MARK4: variants seen among roughly 807,000 people sequenced by gnomAD.
The protein encoded by MARK4 is MAP/microtubule affinity-regulating kinase 4.
A neutral mutation model predicts 81.5 loss-of-function variants in MARK4; 19 were observed. The ratio of observed to expected loss-of-function variants is 0.23; its 90% CI spans 0.16 to 0.34. The LOEUF is 0.34. MARK4 is among the 10% of genes least tolerant of loss of function. MARK4 has a pLI of 1.00. For synonymous variants in MARK4, 436 were observed against 439.0 expected, an observed-to-expected ratio of 0.99 and a Z score of 0.08; for missense variants, 772 against 1,058.8, an observed-to-expected ratio of 0.73 and a Z score of 3.76.
At chr19:45,298,127 C>T in intron 15 of MARK4, 173 bp downstream of exon 15, 1 of 1,613,706 alleles carries the variant, frequency 6.2e-7, no homozygotes, top group Non-Finnish European at 8.5e-7. Context: ...CCCTCACCTC[C>T]CTCCTCACAC....
intron 1 of MARK4, among the ~76,000 whole-genome samples, chr19:45,258,273 C>A (rs950028092): frequency 6.6e-6 from 1 of 152,218 alleles, no homozygotes; most frequent in African/African-American, 2.4e-5. Context: ...GCCTGAGCCA[C>A]TGCACCTGGC....
At position 45,278,505 on chromosome 19, in the gene MARK4, G is replaced by A; in HGVS notation, c.907-11G>A. 6.2e-7 allele frequency: 1 copy of A among 1,613,008 alleles called. No homozygotes were observed. The highest frequency in any genetic ancestry group is 8.5e-7 in the Non-Finnish European group (1 of 1,179,044). On this transcript the variant is annotated splice_polypyrimidine_tract_variant and intron_variant, in intron 9 of 16. Coordinates refer to ENST00000262891, the MANE Select transcript of MARK4 (RefSeq NM_001199867.2). ...CCTGTCTTCCCCCTTCCCTGCTCCTGATGCCTGCAGCAAATCATGAAAGAC... is the reference window on the plus strand; with the variant it reads ...CCTGTCTTCCCCCTTCCCTGCTCCTAATGCCTGCAGCAAATCATGAAAGAC...
intron 13 of MARK4, among the ~76,000 whole-genome samples, chr19:45,290,753 C>T (rs1403569382): frequency 6.6e-6 from 1 of 152,216 alleles, no homozygotes; most frequent in African/African-American, 2.4e-5. Context: ...CTGGCAATGA[C>T]CGGCTGTGTT....
intron 2 of MARK4, among the ~76,000 whole-genome samples, chr19:45,259,652 G>A (rs1375399440): frequency 6.6e-6 from 1 of 152,158 alleles, no homozygotes; most frequent in Non-Finnish European, 1.5e-5. Context: ...GTGTGTGCCT[G>A]TGGTCCCAGC....
intron 12 of MARK4, among the ~76,000 whole-genome samples, chr19:45,284,542 T>C (rs948363840): frequency 6.6e-6 from 1 of 151,942 alleles, no homozygotes; most frequent in Non-Finnish European, 1.5e-5. Flanking sequence ...CAGGATGGTC[T>C]TGATCGCCTG....
chr19:45,279,393 C>T (rs1423687622), intron 10 of MARK4, among the ~76,000 whole-genome samples: 1 of 152,070 alleles, frequency 6.6e-6, no homozygotes, highest in Non-Finnish European at 1.5e-5. Context: ...GGCAGGCACC[C>T]GTAATCCCAG....
At chr19:45,275,991 A>T (rs1489379488) in intron 8 of MARK4, among the ~76,000 whole-genome samples, 2 of 152,068 alleles carry the variant, frequency 1.3e-5, no homozygotes, top group African/African-American at 4.8e-5. Context: ...CCAACGCTCA[A>T]TTCATTCCTA....
chr19:45,298,144 G>C (rs769949564), intron 15 of MARK4, 190 bp downstream of exon 15: 1 of 1,613,444 alleles, frequency 6.2e-7, no homozygotes, highest in Non-Finnish European at 8.5e-7. Flanking sequence ...ACACTGCAGG[G>C]TTACCCTCGA....
chr19:45,252,705 C>G (rs1352427240), intron 1 of MARK4, among the ~76,000 whole-genome samples: 1 of 152,114 alleles, frequency 6.6e-6, no homozygotes, highest in Non-Finnish European at 1.5e-5. Context: ...CTCGTCTTGC[C>G]CTGGTTTCAA....
chr19:45,294,198 C>T (rs931927514), intron 13 of MARK4, 151 bp from the exon 14 acceptor site: 2 of 694,364 alleles, frequency 2.9e-6, no homozygotes, highest in Non-Finnish European at 4.9e-6. Flanking sequence ...CCTTTCACAT[C>T]TTTGGGACCT....
intron 14 of MARK4, among the ~76,000 whole-genome samples, chr19:45,296,598 T>C (rs929483595): frequency 1.3e-5 from 2 of 152,260 alleles, no homozygotes; most frequent in East Asian, 3.8e-4. Context: ...ATGTAGTCTC[T>C]GGCTGGGTGG....
At chr19:45,260,455 G>T (rs1970366626) in intron 2 of MARK4, among the ~76,000 whole-genome samples, 1 of 151,654 alleles carries the variant, frequency 6.6e-6, no homozygotes, top group Non-Finnish European at 1.5e-5. Flanking sequence ...GCTTTGGGAG[G>T]CCGAGGCAGG....
chr19:45,262,170 A>G (rs1970389051), intron 2 of MARK4, among the ~76,000 whole-genome samples: 1 of 152,036 alleles, frequency 6.6e-6, no homozygotes, highest in Non-Finnish European at 1.5e-5. Context: ...AAATGATGAT[A>G]ATCCTGTTAG....
At chr19:45,276,735 C>T (rs1970602998) in intron 8 of MARK4, among the ~76,000 whole-genome samples, 1 of 150,780 alleles carries the variant, frequency 6.6e-6, no homozygotes, top group East Asian at 2.0e-4. Flanking sequence ...AAGTGATTCT[C>T]CTGCCTCAGC....
chr19:45,262,309 G>T (rs1042530472), intron 2 of MARK4, among the ~76,000 whole-genome samples: 36 of 138,382 alleles, frequency 2.6e-4, no homozygotes, highest in African/African-American at 8.9e-4. Context: ...CTGTACTCTA[G>T]CCTGGGAGAC....
In MARK4 at chr19:45,302,782, C is replaced by T. The variant is rs1970995619; in HGVS notation, c.*72C>T. 6.6e-7 allele frequency: 1 copy of T among 1,514,150 alleles called. No individual in the cohort carries two copies. The highest frequency in any genetic ancestry group is 2.1e-5 in the Admixed American group (1 of 47,030). 93.8% of individuals were successfully genotyped at this position (1,514,150 alleles called of 1,614,324 possible). ...TCACTTCTACAGGAGGGGAAGGGGC[C>T]AGGGAGGGGATTCTCCCTTTATCAT... is the stretch of plus-strand genomic sequence containing the variant. On this transcript the variant is annotated 3_prime_UTR_variant, in exon 17 of 17. Coordinates refer to ENST00000262891, the MANE Select transcript of MARK4 (RefSeq NM_001199867.2). This position sits in a 1 kb window ranked among gnomAD's most constrained non-coding sequence, Gnocchi z 4.9.
intron 8 of MARK4, among the ~76,000 whole-genome samples, chr19:45,276,315 C>T (rs1254595593): frequency 1.3e-5 from 2 of 152,226 alleles, no homozygotes; most frequent in East Asian, 3.8e-4. Context: ...ACATAAGCCA[C>T]CACGCCTGGC....
At chr19:45,298,424 A>G (rs759488975) in intron 15 of MARK4, among the ~76,000 whole-genome samples, 2 of 152,178 alleles carry the variant, frequency 1.3e-5, no homozygotes, top group Non-Finnish European at 2.9e-5. Context: ...ACCTTGAGCA[A>G]GTCACTCAAG....
At chr19:45,285,305 G>T (rs1422219826) in intron 12 of MARK4, among the ~76,000 whole-genome samples, 1 of 149,736 alleles carries the variant, frequency 6.7e-6, no homozygotes, top group Non-Finnish European at 1.5e-5. Context: ...CCAAGTGTTA[G>T]CTAGAATCTC....
Sources: allele counts gnomAD v4.1 joint callset (sites outside exome capture counted in the v4.1 genomes callset), GRCh38; gene constraint gnomAD v4.1.1; non-coding constraint Gnocchi (gnomAD v3.1); transcripts MANE v1.5; gene names NCBI Gene and HGNC (gene_info 2026-07-23, HGNC 2026-07-21).